Variants in NDNF observed in about 807,000 individuals in gnomAD.
NDNF encodes the protein neuron derived neurotrophic factor, also known as protein NDNF.
Under a neutral mutation model 42.0 loss-of-function variants are expected in NDNF, and 16 were observed. That is an observed-to-expected ratio of 0.38 (90% CI 0.26 to 0.58). NDNF has a LOEUF of 0.58. NDNF is among the 20% of genes least tolerant of loss of function. NDNF has a pLI of 0.67. For missense variants in NDNF, 616 were observed against 666.2 expected, an observed-to-expected ratio of 0.92 and a Z score of 0.83; for synonymous variants, 248 against 251.7, an observed-to-expected ratio of 0.99 and a Z score of 0.14.
chr4:121,070,686 C>T (rs1727576315), intron 1 of NDNF, among the ~76,000 whole-genome samples: 1 of 152,146 alleles, frequency 6.6e-6, no homozygotes, highest in African/African-American at 2.4e-5. Flanking sequence ...GCAAATTTAT[C>T]AACCCAACAA....
intron 1 of NDNF, among the ~76,000 whole-genome samples, chr4:121,050,532 G>A (rs1217643295): frequency 6.6e-6 from 1 of 152,130 alleles, no homozygotes; most frequent in Non-Finnish European, 1.5e-5. Context: ...TACAATTGAG[G>A]CTTTAGTTCA....
Position 121,039,190 on chromosome 4 carries a change from GTGTATATATATATATATATA to G in NDNF, c.313+720_313+739del, listed in dbSNP as rs1289502898. Among the ~76,000 whole-genome samples, 365 of 68,012 alleles carry G rather than the reference GTGTATATATATATATATATA, an allele frequency of 5.4e-3. 10 individuals are homozygous for G. Among genetic ancestry groups the G allele is most frequent in the African/African-American group, 0.025 (326 of 12,850 alleles). 44.6% of individuals were successfully genotyped at this position (68,012 alleles called of 152,430 possible). ...ATATATAAAGACTATGTGTGTGTGT[GTGTATATATATATATATATA>G]TATATATATATATATATATATATAT... is the stretch of plus-strand genomic sequence containing the variant. On this transcript the variant is annotated intron_variant, in intron 3 of 3. Transcript: ENST00000379692.
In NDNF at chr4:121,035,657, A is replaced by C. The variant is rs1336792579; in HGVS notation, c.*607T>G. 6.6e-6 allele frequency: 1 copy of C among 152,318 alleles called. No homozygotes were observed. Among genetic ancestry groups the C allele is most frequent in the Non-Finnish European group, 1.5e-5 (1 of 68,044 alleles). The allele number at this position is 152,318 out of a possible 1,614,324, so 9.4% of individuals were successfully genotyped here. On this transcript the variant is annotated 3_prime_UTR_variant, in exon 4 of 4. Coordinates refer to ENST00000379692, the MANE Select transcript of NDNF (RefSeq NM_024574.4). ...TATATAATCTAATCTCTTTAATTTT[A>C]TGTACATGAATATAATGTATGTCAA...
chr4:121,053,237 G>A (rs1727231165), intron 1 of NDNF, among the ~76,000 whole-genome samples: 1 of 152,152 alleles, frequency 6.6e-6, no homozygotes, highest in Non-Finnish European at 1.5e-5. Context: ...CCTTCTGGAA[G>A]GAAATTAAAT....
At chr4:121,040,104 A>G (rs1184517405) in intron 2 of NDNF, 50 bp from the exon 3 acceptor site, 9 of 1,537,540 alleles carry the variant, frequency 5.9e-6, no homozygotes, top group Non-Finnish European at 7.9e-6. Flanking sequence ...TCTAACATTT[A>G]CAATCAAGAC....
intron 1 of NDNF, among the ~76,000 whole-genome samples, chr4:121,060,439 C>T (rs1727384336): frequency 6.6e-6 from 1 of 152,036 alleles, no homozygotes; most frequent in Non-Finnish European, 1.5e-5. Flanking sequence ...CCTTGGCCTT[C>T]CAGAGTGTTG....
chr4:121,038,711 G>A (rs1254331698), intron 3 of NDNF, among the ~76,000 whole-genome samples: 1 of 152,116 alleles, frequency 6.6e-6, no homozygotes, highest in Non-Finnish European at 1.5e-5. Context: ...ATTTGGCCAG[G>A]TGCGGTGGCT....
At chr4:121,062,703 AT>A (rs139848526) in intron 1 of NDNF, among the ~76,000 whole-genome samples, 1,983 of 151,986 alleles carry the variant, frequency 0.013, 51 homozygotes, top group African/African-American at 0.045. Context: ...TTCTTCTCCT[AT>A]TTTTTTTCTT....
At chr4:121,059,075 G>A (rs967302743) in intron 1 of NDNF, among the ~76,000 whole-genome samples, 1 of 151,964 alleles carries the variant, frequency 6.6e-6, no homozygotes, top group South Asian at 2.1e-4. Flanking sequence ...TGCCTCTCTG[G>A]GTGGCAAACG....
intron 1 of NDNF, among the ~76,000 whole-genome samples, chr4:121,052,017 T>C (rs1015128609): frequency 6.6e-6 from 1 of 152,234 alleles, no homozygotes; most frequent in Non-Finnish European, 1.5e-5. Context: ...CACTGTGACC[T>C]TTCTCATCAC....
chr4:121,057,791 A>G lies in NDNF; in HGVS notation c.-1-11953T>C, dbSNP rs1279826179. ...AGTGAGATACCCAAAACAGAGCGCTATAAAATCTCCGGGGAAATTCTTAAT... is the reference window on the plus strand; with the variant it reads ...AGTGAGATACCCAAAACAGAGCGCTGTAAAATCTCCGGGGAAATTCTTAAT... On this transcript the variant is annotated intron_variant, in intron 1 of 3. Coordinates refer to ENST00000379692, the MANE Select transcript of NDNF (RefSeq NM_024574.4). 2.6e-5 allele frequency among the ~76,000 whole-genome samples: 4 copies of G among 152,228 alleles called. No individual in the cohort carries two copies. The East Asian group carries it at 7.7e-4, about 29-fold the overall frequency.
intron 1 of NDNF, among the ~76,000 whole-genome samples, chr4:121,054,497 A>G (rs1208069788): frequency 6.6e-6 from 1 of 152,264 alleles, no homozygotes; most frequent in African/African-American, 2.4e-5. Flanking sequence ...AAAAATTAAA[A>G]TAGGCTTCTG....
intron 1 of NDNF, chr4:121,071,574 G>A (rs928605983): frequency 1.3e-5 from 2 of 152,172 alleles, no homozygotes; most frequent in Non-Finnish European, 2.9e-5. Flanking sequence ...CTTGGCAGGC[G>A]GGCAAAGTAA....
At chr4:121,064,069 A>T (rs1290661519) in intron 1 of NDNF, among the ~76,000 whole-genome samples, 4 of 152,224 alleles carry the variant, frequency 2.6e-5, no homozygotes, top group Non-Finnish European at 5.9e-5. Flanking sequence ...ATTGTAAAAA[A>T]CTTCTAAGCA....
intron 2 of NDNF, 100 bp downstream of exon 2, chr4:121,045,550 T>C: frequency 1.0e-6 from 1 of 1,003,828 alleles, no homozygotes; most frequent in Non-Finnish European, 1.5e-6. Context: ...CATTCATAGG[T>C]TGATTTGTAA....
Position 121,036,470 on chromosome 4 carries a change from A to G in NDNF, c.1501T>C (p.Cys501Arg), listed in dbSNP as rs2148761367. Reference protein sequence around the residue: ...EDQKKREQNQCLGPDIRKKSE... With the variant: ...EDQKKREQNQRLGPDIRKKSE... ...TTCTTCCTTATATCTGGTCCTAGACATTGGTTTTGCTCTCTTTTCTTCTGG... is the reference window on the plus strand; with the variant it reads ...TTCTTCCTTATATCTGGTCCTAGACGTTGGTTTTGCTCTCTTTTCTTCTGG... Residue 501 changes from cysteine (C) to arginine (R), a missense_variant, in exon 4 of 4, where the codon TGT becomes CGT. Transcript: ENST00000379692. 2 of 1,614,112 alleles carry G rather than the reference A, an allele frequency of 1.2e-6. No individual in the cohort carries two copies. The highest frequency in any genetic ancestry group is 2.2e-5 in the East Asian group (1 of 44,888).
chr4:121,038,391 T>TAAAATAAAATAAAATAAAAC (rs1560602803), intron 3 of NDNF, among the ~76,000 whole-genome samples: 4 of 149,504 alleles, frequency 2.7e-5, no homozygotes, highest in African/African-American at 9.8e-5. Flanking sequence ...TAAAATAAAA[T>TAAAATAAAATAAAATAAAAC]AAAACAAAAC....
chr4:121,059,116 CAAT>C, intron 1 of NDNF, among the ~76,000 whole-genome samples: 1 of 152,314 alleles, frequency 6.6e-6, no homozygotes, highest in South Asian at 2.1e-4. Flanking sequence ...CAGTCCTCAA[CAAT>C]GACAGAAAAA....
intron 1 of NDNF, among the ~76,000 whole-genome samples, chr4:121,057,341 G>C (rs574786997): frequency 5.9e-5 from 9 of 152,174 alleles, no homozygotes; most frequent in Admixed American, 3.3e-4. Context: ...ACTTTTAACA[G>C]ATGAGAACAC....
Sources: gnomAD v4.1 joint callset for allele counts (sites outside exome capture counted in the v4.1 genomes callset) on GRCh38, gnomAD v4.1.1 for gene constraint, MANE v1.5 for transcripts, NCBI Gene and HGNC (gene_info 2026-07-23, HGNC 2026-07-21) for gene names.